The following RUNX1 variants were observed in gnomAD, a reference collection of about 807,000 sequenced individuals.
RUNX1 encodes runt-related transcription factor 1.
RUNX1 carries 19 observed loss-of-function variants against 42.8 expected under a neutral mutation model. That is an observed-to-expected ratio of 0.44 (90% confidence interval 0.31 to 0.65). RUNX1 has a LOEUF of 0.65. Ranked by LOEUF, RUNX1 falls within the 30% of genes least tolerant of loss-of-function variation. The probability of loss-of-function intolerance (pLI) is 0.07; values close to 1 mark genes in which losing one functional copy is unlikely to be tolerated. For missense variants in RUNX1, 528 were observed against 672.0 expected (o/e 0.79, Z 2.37); for synonymous variants, 271 against 289.4 (o/e 0.94, Z 0.64).
chr21:34,989,786 A>G (rs1454521818), intron 2 of RUNX1, among the ~76,000 whole-genome samples: 1 of 152,212 alleles, frequency 6.6e-6, no homozygotes, highest in Non-Finnish European at 1.5e-5. Flanking sequence ...AAGCATTGGC[A>G]CGAAGGGTAA....
chr21:34,881,292 C>CA (rs1170266940), intron 4 of RUNX1, among the ~76,000 whole-genome samples: 3 of 152,066 alleles, frequency 2.0e-5, no homozygotes, highest in Admixed American at 6.5e-5. Flanking sequence ...CAAAAAAACA[C>CA]AAAAAAACCC....
chr21:34,873,776 G>A (rs556836347), intron 5 of RUNX1, among the ~76,000 whole-genome samples: 1 of 152,306 alleles, frequency 6.6e-6, no homozygotes, highest in African/African-American at 2.4e-5. Flanking sequence ...ACTGAATGCC[G>A]TCGATTGCTC....
At chr21:35,006,690 T>C (rs1306235906) in intron 2 of RUNX1, among the ~76,000 whole-genome samples, 2 of 152,222 alleles carry the variant, frequency 1.3e-5, no homozygotes, top group Non-Finnish European at 2.9e-5. Flanking sequence ...TCGTTATTAA[T>C]ATTTCCTTTG....
chr21:34,869,425 A>C (rs569759850), intron 5 of RUNX1, among the ~76,000 whole-genome samples: 40 of 152,262 alleles, frequency 2.6e-4, no homozygotes, highest in African/African-American at 9.6e-4. Flanking sequence ...CTTTTCTAGG[A>C]CTCACAGAAT....
At chr21:34,932,223 T>C (rs2058452673) in intron 2 of RUNX1, among the ~76,000 whole-genome samples, 1 of 152,216 alleles carries the variant, frequency 6.6e-6, no homozygotes, top group Non-Finnish European at 1.5e-5. Context: ...GTATAGATGT[T>C]ATAAACATGT....
chr21:34,876,218 T>A (rs2057811654), intron 5 of RUNX1, among the ~76,000 whole-genome samples: 1 of 152,314 alleles, frequency 6.6e-6, no homozygotes, highest in East Asian at 1.9e-4. Context: ...TTACCCGTGA[T>A]GATATGTGGG....
intron 2 of RUNX1, among the ~76,000 whole-genome samples, chr21:34,948,831 C>T (rs906956213): frequency 1.3e-5 from 2 of 152,110 alleles, no homozygotes; most frequent in East Asian, 1.9e-4. Context: ...TTGCAACCTC[C>T]GCCTCCCGGG....
intron 8 of RUNX1, among the ~76,000 whole-genome samples, chr21:34,796,471 C>T (rs2056529038): frequency 6.6e-6 from 1 of 152,166 alleles, no homozygotes; most frequent in Admixed American, 6.5e-5. Flanking sequence ...GCCTGGTGTC[C>T]CCTGATTCAG....
chr21:34,792,643 G>A lies in RUNX1; in HGVS notation c.968-33C>T. 6.5e-7 allele frequency: 1 copy of A among 1,541,124 alleles called. No homozygotes were observed. The highest frequency in any genetic ancestry group is 8.8e-7 in the Non-Finnish European group (1 of 1,140,846). On this transcript the variant is annotated intron_variant, in intron 8 of 8. Transcript: ENST00000675419. This position sits in a 1 kb window ranked among gnomAD's most constrained non-coding sequence, Gnocchi z 6.9. ...GCGGGCAAGAGAACGGAGCGGAAGTGAGTAGGAGGTTGCGGAGGCCACAGC... is the reference window on the plus strand; with the variant it reads ...GCGGGCAAGAGAACGGAGCGGAAGTAAGTAGGAGGTTGCGGAGGCCACAGC...
chr21:34,908,570 G>T (rs1354704697), intron 2 of RUNX1, among the ~76,000 whole-genome samples: 2 of 151,742 alleles, frequency 1.3e-5, no homozygotes, highest in African/African-American at 4.8e-5. Context: ...CCTGGGTTTT[G>T]TGGACAGGGG....
At position 34,790,506 on chromosome 21, in the gene RUNX1, C is replaced by G. The variant is rs1297191845; in HGVS notation, c.*1629G>C. 16 of 233,472 alleles carry G rather than the reference C, an allele frequency of 6.9e-5. No individual in the cohort carries two copies. The highest frequency in any genetic ancestry group is 1.4e-4 in the Non-Finnish European group (16 of 118,046). 14.5% of individuals were successfully genotyped at this position (233,472 alleles called of 1,614,324 possible). ...AGTTGTACAACAACTGCATTCTGAC[C>G]AAATCCTCCAATAAAAATAGTGCCA... is the stretch of plus-strand genomic sequence containing the variant. On this transcript the variant is annotated 3_prime_UTR_variant, in exon 9 of 9. Coordinates refer to ENST00000675419, the MANE Select transcript of RUNX1 (RefSeq NM_001754.5).
At chr21:34,794,472 A>G (rs1312539771) in intron 8 of RUNX1, among the ~76,000 whole-genome samples, 1 of 152,240 alleles carries the variant, frequency 6.6e-6, no homozygotes. Flanking sequence ...TGTTAACACA[A>G]GTAGATGTAG....
intron 2 of RUNX1, among the ~76,000 whole-genome samples, chr21:34,951,384 A>T (rs1049217904): frequency 2.0e-5 from 3 of 152,208 alleles, no homozygotes; most frequent in Non-Finnish European, 4.4e-5. Context: ...CCATTTGTCA[A>T]TTTTGGCTTT....
intron 7 of RUNX1, 97 bp downstream of exon 7, chr21:34,834,313 C>A: frequency 7.9e-7 from 1 of 1,257,940 alleles, no homozygotes; most frequent in Non-Finnish European, 1.2e-6. Context: ...AAGGGGAAAC[C>A]CCAGTTGGTC....
intron 2 of RUNX1, among the ~76,000 whole-genome samples, chr21:34,955,968 CT>C (rs2058640985): frequency 6.6e-6 from 1 of 152,100 alleles, no homozygotes; most frequent in African/African-American, 2.4e-5. Flanking sequence ...CAACTAACAT[CT>C]TTTTTTTCCT....
At position 34,997,580 on chromosome 21, in the gene RUNX1, G is replaced by T. The variant is rs139190359; in HGVS notation, c.58+51262C>A. On this transcript the variant is annotated intron_variant, in intron 2 of 8. Coordinates refer to ENST00000675419, the MANE Select transcript of RUNX1 (RefSeq NM_001754.5). ...TGGCACTGGAAGTCGTCTTGCTGAC[G>T]ATCAGCTTCAATAGATGATAGAACT... Among the ~76,000 whole-genome samples, 459 of 152,320 alleles carry T rather than the reference G, an allele frequency of 3.0e-3. 3 individuals carry two copies. Among genetic ancestry groups the T allele is most frequent in the African/African-American group, 0.011 (439 of 41,556 alleles).
At chr21:34,882,984 G>A (rs943539647) in intron 4 of RUNX1, among the ~76,000 whole-genome samples, 1 of 152,186 alleles carries the variant, frequency 6.6e-6, no homozygotes, top group Non-Finnish European at 1.5e-5. Flanking sequence ...GTAAAAAGGT[G>A]AAAATAAATA....
intron 6 of RUNX1, among the ~76,000 whole-genome samples, chr21:34,857,635 A>G (rs2057513739): frequency 6.6e-6 from 1 of 152,158 alleles, no homozygotes; most frequent in Non-Finnish European, 1.5e-5. Flanking sequence ...GCATTTCTCT[A>G]AGTTTAGTCA....
intron 2 of RUNX1, among the ~76,000 whole-genome samples, chr21:34,911,419 C>CAAGGTGCCTGACCA (rs1377444940): frequency 6.6e-6 from 1 of 152,134 alleles, no homozygotes; most frequent in Admixed American, 6.5e-5. Flanking sequence ...GGAGATCCAC[C>CAAGGTGCCTGACCA]AAGGTGCCTG....
Sources: allele counts gnomAD v4.1 joint callset (sites outside exome capture counted in the v4.1 genomes callset), GRCh38; gene constraint gnomAD v4.1.1; non-coding constraint Gnocchi (gnomAD v3.1); transcripts MANE v1.5; gene names NCBI Gene and HGNC (gene_info 2026-07-23, HGNC 2026-07-21).